Variants in ADAMTS9 observed in about 807,000 individuals in gnomAD.
ADAMTS9 encodes the protein A disintegrin and metalloproteinase with thrombospondin motifs 9.
A neutral mutation model predicts 257.1 loss-of-function variants in ADAMTS9; 107 were observed. The observed-to-expected ratio is 0.42, with a 90% CI of 0.36 to 0.49. The LOEUF is 0.49. Among genes scored for constraint, ADAMTS9 ranks in the 20% least tolerant of loss-of-function variants. The pLI is 0.03. For synonymous variants in ADAMTS9, 982 were observed against 880.9 expected (o/e 1.11, Z -2.03); for missense variants, 2,353 against 2,469.1 (o/e 0.95, Z 1.00).
At chr3:64,553,775 A>G (rs2083298249) in intron 30 of ADAMTS9, among the ~76,000 whole-genome samples, 1 of 152,034 alleles carries the variant, frequency 6.6e-6, no homozygotes, top group African/African-American at 2.4e-5. Flanking sequence ...ACTTGAAACC[A>G]CTGTGAGGTG....
intron 3 of ADAMTS9, among the ~76,000 whole-genome samples, chr3:64,665,021 A>C (rs1701317349): frequency 1.3e-5 from 2 of 152,184 alleles, no homozygotes; most frequent in Non-Finnish European, 2.9e-5. Flanking sequence ...CTCAAATCCT[A>C]AAATAGCATA....
chr3:64,658,476 A>T (rs1701139512), intron 4 of ADAMTS9, 26 bp downstream of exon 4: 1 of 1,596,380 alleles, frequency 6.3e-7, no homozygotes, highest in African/African-American at 1.3e-5. Flanking sequence ...AGACCTCATA[A>T]ATCACCTTCG....
At chr3:64,562,628 T>C (rs1337391371) in intron 29 of ADAMTS9, among the ~76,000 whole-genome samples, 1 of 152,206 alleles carries the variant, frequency 6.6e-6, no homozygotes, top group Non-Finnish European at 1.5e-5. Flanking sequence ...TTATTACACT[T>C]AGCTATTAAA....
intron 28 of ADAMTS9, among the ~76,000 whole-genome samples, chr3:64,580,991 A>C (rs1012800148): frequency 6.6e-6 from 1 of 152,186 alleles, no homozygotes. Context: ...TGACTGTATA[A>C]TTATTGGGAA....
chr3:64,685,106 AC>A (rs1477409330), intron 2 of ADAMTS9: 1 of 152,168 alleles, frequency 6.6e-6, no homozygotes, highest in East Asian at 1.9e-4. Context: ...CCACCCCCAA[AC>A]AATCTCGACA....
At chr3:64,629,492 A>G (rs184446070) in intron 16 of ADAMTS9, among the ~76,000 whole-genome samples, 238 of 152,304 alleles carry the variant, frequency 1.6e-3, no homozygotes, top group Non-Finnish European at 2.5e-3. Flanking sequence ...TGCAATGGCT[A>G]TTCCCTCTGC....
chr3:64,572,804 G>A (rs2083726173), intron 28 of ADAMTS9, among the ~76,000 whole-genome samples: 1 of 152,046 alleles, frequency 6.6e-6, no homozygotes, highest in Non-Finnish European at 1.5e-5. Flanking sequence ...GGGCGGCCGG[G>A]TGCGGTGGCT....
At chr3:64,574,156 CA>C (rs1239086847) in intron 28 of ADAMTS9, among the ~76,000 whole-genome samples, 1 of 152,144 alleles carries the variant, frequency 6.6e-6, no homozygotes, top group Non-Finnish European at 1.5e-5. Flanking sequence ...TCATTTGGCA[CA>C]AGTTATTTAG....
chr3:64,627,351 G>A (rs561210034), intron 16 of ADAMTS9, among the ~76,000 whole-genome samples: 6 of 151,418 alleles, frequency 4.0e-5, no homozygotes, highest in African/African-American at 1.5e-4. Context: ...CGTGATAAAT[G>A]GTTTGGCCCC....
chr3:64,555,289 CT>C (rs1239886566), intron 30 of ADAMTS9, among the ~76,000 whole-genome samples: 1 of 152,158 alleles, frequency 6.6e-6, no homozygotes, highest in African/African-American at 2.4e-5. Flanking sequence ...GACATTTTTG[CT>C]CCCAAATAGT....
intron 16 of ADAMTS9, among the ~76,000 whole-genome samples, chr3:64,627,247 A>G (rs1041118181): frequency 6.6e-6 from 1 of 152,038 alleles, no homozygotes; most frequent in African/African-American, 2.4e-5. Flanking sequence ...GACTCAGGGC[A>G]TTTCACCCTT....
intron 28 of ADAMTS9, chr3:64,589,464 G>C (rs553174911): frequency 6.6e-6 from 1 of 152,080 alleles, no homozygotes; most frequent in Non-Finnish European, 1.5e-5. Flanking sequence ...GTAGATTATC[G>C]GCTAGTCAAA....
chr3:64,658,030 GCCTC>G (rs903062070), intron 4 of ADAMTS9, among the ~76,000 whole-genome samples: 101 of 152,264 alleles, frequency 6.6e-4, no homozygotes, highest in African/African-American at 2.3e-3. Context: ...TTCACAACCA[GCCTC>G]CCTAATACTA....
chr3:64,555,187 A>G (rs2083317557), intron 30 of ADAMTS9, among the ~76,000 whole-genome samples: 2 of 152,238 alleles, frequency 1.3e-5, no homozygotes, highest in Admixed American at 1.3e-4. Context: ...AGCAATGACA[A>G]ATCAGTTTAT....
chr3:64,679,563 T>C (rs1273069951), intron 3 of ADAMTS9, among the ~76,000 whole-genome samples: 2 of 152,236 alleles, frequency 1.3e-5, no homozygotes, highest in African/African-American at 4.8e-5. Context: ...TTTAAAATGT[T>C]GACCTGTAGC....
chr3:64,656,673 A>G (rs183572063), intron 4 of ADAMTS9, among the ~76,000 whole-genome samples: 2 of 152,272 alleles, frequency 1.3e-5, no homozygotes, highest in Admixed American at 1.3e-4. Context: ...GAGGCTGTGC[A>G]TATGCGCAGG....
At chr3:64,546,656 C>A in intron 32 of ADAMTS9, 102 bp downstream of exon 32, 1 of 1,279,422 alleles carries the variant, frequency 7.8e-7, no homozygotes, top group Non-Finnish European at 1.1e-6. Flanking sequence ...AGGGTTTCTC[C>A]TGGAAGTAGA....
At chr3:64,630,164 G>T (rs1700332288) in intron 16 of ADAMTS9, among the ~76,000 whole-genome samples, 1 of 152,068 alleles carries the variant, frequency 6.6e-6, no homozygotes, top group South Asian at 2.1e-4. Context: ...AAGGTGATCA[G>T]TTAAATCCCT....
At chr3:64,612,588 G>T (rs1376066716) in intron 22 of ADAMTS9, among the ~76,000 whole-genome samples, 1 of 152,172 alleles carries the variant, frequency 6.6e-6, no homozygotes, top group Non-Finnish European at 1.5e-5. Context: ...GGCTGTGGCT[G>T]GTCAGGGTGA....
Sources: gnomAD v4.1 joint callset for allele counts (sites outside exome capture counted in the v4.1 genomes callset) on GRCh38, gnomAD v4.1.1 for gene constraint, MANE v1.5 for transcripts, NCBI Gene and HGNC (gene_info 2026-07-23, HGNC 2026-07-21) for gene names.